SLIT2: variants seen among roughly 807,000 people sequenced by gnomAD.
SLIT2 encodes slit guidance ligand 2, also known as slit homolog 2 protein.
In SLIT2, 41 loss-of-function variants were observed where a neutral mutation model predicts 185.7. That is an observed-to-expected ratio of 0.22 (90% CI 0.17 to 0.29). The LOEUF is 0.29. Among genes scored for constraint, SLIT2 ranks in the 10% least tolerant of loss-of-function variants. SLIT2 has a pLI of 1.00. For synonymous variants in SLIT2, 693 were observed against 680.2 expected (o/e 1.02, Z -0.29); for missense variants, 1,571 against 1,909.0 (o/e 0.82, Z 3.30).
intron 26 of SLIT2, among the ~76,000 whole-genome samples, chr4:20,556,800 G>C (rs776682853): frequency 1.1e-4 from 17 of 152,170 alleles, no homozygotes; most frequent in Non-Finnish European, 1.8e-4. Context: ...CCAAAGCTAA[G>C]CCTCTTGTGC....
chr4:20,512,996 G>C (rs528118709), intron 11 of SLIT2, among the ~76,000 whole-genome samples: 15 of 152,006 alleles, frequency 9.9e-5, no homozygotes, highest in Non-Finnish European at 2.2e-4. Flanking sequence ...TGATAAACAG[G>C]GTTCCTGTAA....
intron 11 of SLIT2, among the ~76,000 whole-genome samples, chr4:20,513,947 C>A (rs563068575): frequency 1.3e-5 from 2 of 152,018 alleles, no homozygotes; most frequent in Non-Finnish European, 2.9e-5. Flanking sequence ...GTAGTGGGTG[C>A]TTGAAACTGA....
At chr4:20,305,508 G>A (rs181783613) in intron 4 of SLIT2, among the ~76,000 whole-genome samples, 192 of 152,218 alleles carry the variant, frequency 1.3e-3, no homozygotes, top group Middle Eastern at 3.4e-3. Context: ...AGAAAATGTG[G>A]GTTACCATTA....
At chr4:20,364,839 T>G (rs1722991199) in intron 4 of SLIT2, among the ~76,000 whole-genome samples, 1 of 152,166 alleles carries the variant, frequency 6.6e-6, no homozygotes, top group Non-Finnish European at 1.5e-5. Flanking sequence ...ACTGTGAAGT[T>G]CCTCTTGGTT....
At chr4:20,417,948 A>G (rs978239420) in intron 4 of SLIT2, among the ~76,000 whole-genome samples, 1 of 152,156 alleles carries the variant, frequency 6.6e-6, no homozygotes, top group South Asian at 2.1e-4. Flanking sequence ...GCTCCACTGT[A>G]GCCCATAACT....
At chr4:20,599,842 T>C (rs548965466) in intron 33 of SLIT2, among the ~76,000 whole-genome samples, 14 of 152,352 alleles carry the variant, frequency 9.2e-5, no homozygotes, top group African/African-American at 3.4e-4. Context: ...CTGCATGTTA[T>C]TGATATTCTC....
At chr4:20,569,385 T>G (rs1368554512) in intron 29 of SLIT2, 1 of 218,406 alleles carries the variant, frequency 4.6e-6, no homozygotes, top group Non-Finnish European at 9.2e-6. Flanking sequence ...ATTAAGCTTT[T>G]GAGATCATTT....
intron 4 of SLIT2, among the ~76,000 whole-genome samples, chr4:20,450,975 A>G (rs565158240): frequency 2.0e-5 from 3 of 152,350 alleles, no homozygotes; most frequent in African/African-American, 7.2e-5. Flanking sequence ...CTTACAACAA[A>G]TGACAATATG....
intron 4 of SLIT2, among the ~76,000 whole-genome samples, chr4:20,462,515 AT>A (rs1227460318): frequency 2.6e-5 from 4 of 152,122 alleles, no homozygotes; most frequent in Non-Finnish European, 4.4e-5. Flanking sequence ...CCCATGTTAA[AT>A]TCCATTGAAG....
At chr4:20,503,382 A>C in intron 9 of SLIT2, among the ~76,000 whole-genome samples, 1 of 152,162 alleles carries the variant, frequency 6.6e-6, no homozygotes, top group East Asian at 1.9e-4. Context: ...CAAGCTGGAG[A>C]GTTAGCTCAG....
In SLIT2 at chr4:20,619,418, A is replaced by G. The variant is rs936720123; in HGVS notation, c.*409A>G. The stretch of plus-strand genomic sequence containing the variant: ...CAACCAAGTTCACTAGGACATACCA[A>G]GCACATGCGTGTGAATGAGGATGCA... On this transcript the variant is annotated 3_prime_UTR_variant, in exon 37 of 37. Coordinates refer to ENST00000504154, the MANE Select transcript of SLIT2 (RefSeq NM_004787.4). The G allele has an allele frequency of 1.9e-5, 3 of 153,874 alleles. No homozygotes were observed. The highest frequency in any genetic ancestry group is 7.2e-5 in the African/African-American group (3 of 41,498). The allele number at this position is 153,874 out of a possible 1,614,324, so 9.5% of individuals were successfully genotyped here.
rs1010537344 is a variant in SLIT2, at chr4:20,258,035, G to A, written c.323+96G>A. 4 of 628,276 alleles carry A rather than the reference G, an allele frequency of 6.4e-6. No individual in the cohort carries two copies. In the African/African-American group the frequency reaches 7.5e-5, roughly 12 times the overall value. 38.9% of individuals were successfully genotyped at this position (628,276 alleles called of 1,614,324 possible). On this transcript the variant is annotated intron_variant, in intron 3 of 36. Coordinates refer to ENST00000504154, the MANE Select transcript of SLIT2 (RefSeq NM_004787.4). Reference sequence around the variant, plus strand: ...CATGTCTTCAATTTCATGTCTTAGGGTTTGAAATTTTGCAGAAAAAGGAGG... The same window carrying A: ...CATGTCTTCAATTTCATGTCTTAGGATTTGAAATTTTGCAGAAAAAGGAGG...
At chr4:20,435,395 G>C (rs16869591) in intron 4 of SLIT2, among the ~76,000 whole-genome samples, 19,375 of 152,174 alleles carry the variant, frequency 0.13, 1,430 homozygotes, top group Admixed American at 0.22. Context: ...AGTTTAATAA[G>C]ACAGTACAAT....
intron 4 of SLIT2, among the ~76,000 whole-genome samples, chr4:20,432,078 A>T (rs1198975737): frequency 6.6e-6 from 1 of 151,998 alleles, no homozygotes; most frequent in Non-Finnish European, 1.5e-5. Context: ...TGAAGGAAGG[A>T]AGGAAGGAAG....
intron 4 of SLIT2, among the ~76,000 whole-genome samples, chr4:20,347,454 G>A (rs1721522131): frequency 1.3e-5 from 2 of 152,208 alleles, no homozygotes; most frequent in Non-Finnish European, 2.9e-5. Context: ...TGAGGGAGAA[G>A]ACTACATTAT....
At chr4:20,541,194 ATT>A (rs1281212098) in intron 19 of SLIT2, among the ~76,000 whole-genome samples, 1 of 152,054 alleles carries the variant, frequency 6.6e-6, no homozygotes, top group Non-Finnish European at 1.5e-5. Flanking sequence ...ACCTTACCTT[ATT>A]TTTTGCATGA....
intron 9 of SLIT2, among the ~76,000 whole-genome samples, chr4:20,503,900 A>C (rs1324228318): frequency 6.6e-6 from 1 of 152,200 alleles, no homozygotes; most frequent in East Asian, 1.9e-4. Flanking sequence ...TCCTAAGGCA[A>C]AACTTCTAGC....
intron 8 of SLIT2, among the ~76,000 whole-genome samples, 199 bp downstream of exon 8, chr4:20,489,181 G>A (rs1717545375): frequency 6.6e-6 from 1 of 152,178 alleles, no homozygotes; most frequent in South Asian, 2.1e-4. Flanking sequence ...CTGGTTACTT[G>A]TATCTAAATT....
At chr4:20,509,497 C>A (rs1560486155) in intron 9 of SLIT2, among the ~76,000 whole-genome samples, 1 of 152,086 alleles carries the variant, frequency 6.6e-6, no homozygotes, top group Non-Finnish European at 1.5e-5. Context: ...TTCTCCCCGC[C>A]AACCTTTCAC....
Sources: allele counts gnomAD v4.1 joint callset (sites outside exome capture counted in the v4.1 genomes callset), GRCh38; gene constraint gnomAD v4.1.1; transcripts MANE v1.5; gene names NCBI Gene and HGNC (gene_info 2026-07-23, HGNC 2026-07-21).